KCTD16: variants seen among roughly 807,000 people sequenced by gnomAD.
KCTD16 encodes BTB/POZ domain-containing protein KCTD16.
In KCTD16, 13 loss-of-function variants were observed where a neutral mutation model predicts 33.2. The observed-to-expected ratio is 0.39, with a 90% confidence interval of 0.25 to 0.62. The LOEUF is 0.62. Ranked by LOEUF, KCTD16 falls within the 20% of genes least tolerant of loss-of-function variation. The pLI is 0.50. For missense variants in KCTD16, 441 were observed against 525.1 expected (o/e 0.84, Z 1.57); for synonymous variants, 197 against 195.3 (o/e 1.01, Z -0.07).
chr5:144,230,941 T>C (rs1052255820), intron 3 of KCTD16, among the ~76,000 whole-genome samples: 1 of 152,200 alleles, frequency 6.6e-6, no homozygotes, highest in South Asian at 2.1e-4. Context: ...GCATAGCCTG[T>C]TCTCTGAGCC....
intron 3 of KCTD16, among the ~76,000 whole-genome samples, chr5:144,458,373 G>A (rs1464173204): frequency 6.6e-6 from 1 of 152,110 alleles, no homozygotes; most frequent in Admixed American, 6.5e-5. Context: ...TCTTAGTACT[G>A]CCACTTGATT....
intron 3 of KCTD16, among the ~76,000 whole-genome samples, chr5:144,449,485 A>G (rs1753893999): frequency 6.6e-6 from 1 of 152,006 alleles, no homozygotes; most frequent in South Asian, 2.1e-4. Flanking sequence ...CAGACTTCCT[A>G]GTTTCAAAAT....
rs780109122 is a variant in KCTD16, at chr5:144,465,779, C to CTTTTTT, written c.833-7880_833-7875dup. Among the ~76,000 whole-genome samples, 42 of 129,862 alleles carry CTTTTTT rather than the reference C, an allele frequency of 3.2e-4. 3 individuals are homozygous for CTTTTTT. Among genetic ancestry groups the CTTTTTT allele is most frequent in the Non-Finnish European group, 4.8e-4 (30 of 62,962 alleles). 85.2% of individuals were successfully genotyped at this position (129,862 alleles called of 152,430 possible). Reference sequence around the variant, plus strand: ...TCTTGAACAATTGCTCCAAATTTAACTTTTTTGTTTTTTTTTTTTTTTGCC... The same window carrying CTTTTTT: ...TCTTGAACAATTGCTCCAAATTTAACTTTTTTTTTTTTGTTTTTTTTTTTTTTTGCC... On this transcript the variant is annotated intron_variant, in intron 3 of 3. Coordinates refer to ENST00000512467, the MANE Select transcript of KCTD16 (RefSeq NM_020768.4).
At chr5:144,347,229 A>G (rs1410705745) in intron 3 of KCTD16, among the ~76,000 whole-genome samples, 2 of 152,208 alleles carry the variant, frequency 1.3e-5, no homozygotes, top group Admixed American at 6.5e-5. Flanking sequence ...TTAAATTTAA[A>G]TAGCCACATG....
intron 3 of KCTD16, among the ~76,000 whole-genome samples, chr5:144,293,660 C>A (rs1755956813): frequency 6.6e-6 from 1 of 152,156 alleles, no homozygotes; most frequent in Non-Finnish European, 1.5e-5. Context: ...ATCTGGAATT[C>A]CAATTCCCCT....
At chr5:144,328,791 C>T (rs1342575286) in intron 3 of KCTD16, among the ~76,000 whole-genome samples, 1 of 151,874 alleles carries the variant, frequency 6.6e-6, no homozygotes, top group Non-Finnish European at 1.5e-5. Context: ...TCATTCTGTC[C>T]TTCTCCACTG....
intron 3 of KCTD16, among the ~76,000 whole-genome samples, chr5:144,428,295 C>A (rs1753380016): frequency 6.6e-6 from 1 of 152,166 alleles, no homozygotes; most frequent in African/African-American, 2.4e-5. Context: ...CAACTCTAGA[C>A]ACCAATATCC....
At chr5:144,207,925 G>A (rs1364102839) in intron 3 of KCTD16, among the ~76,000 whole-genome samples, 1 of 152,174 alleles carries the variant, frequency 6.6e-6, no homozygotes, top group Non-Finnish European at 1.5e-5. Context: ...GTGAATTACT[G>A]CTGTCTATTC....
At chr5:144,263,259 C>T (rs1386366494) in intron 3 of KCTD16, among the ~76,000 whole-genome samples, 5 of 152,160 alleles carry the variant, frequency 3.3e-5, no homozygotes, top group Non-Finnish European at 7.3e-5. Flanking sequence ...TGTAATGGTA[C>T]AGGAGATGTT....
intron 2 of KCTD16, among the ~76,000 whole-genome samples, chr5:144,198,649 A>G (rs1206043618): frequency 1.3e-5 from 2 of 152,254 alleles, no homozygotes; most frequent in Non-Finnish European, 2.9e-5. Flanking sequence ...GAATCACTGT[A>G]AAATGATGTG....
At chr5:144,349,385 G>A (rs1295528604) in intron 3 of KCTD16, among the ~76,000 whole-genome samples, 1 of 152,176 alleles carries the variant, frequency 6.6e-6, no homozygotes, top group Non-Finnish European at 1.5e-5. Flanking sequence ...AATATTAAAT[G>A]TAGTAATATA....
At chr5:144,412,590 C>T (rs562546888) in intron 3 of KCTD16, among the ~76,000 whole-genome samples, 13 of 152,076 alleles carry the variant, frequency 8.5e-5, no homozygotes, top group African/African-American at 2.4e-4. Flanking sequence ...AGAAGAAGAT[C>T]GATCTAATGT....
rs146419408 is a variant in KCTD16 at position 144,392,631 on chromosome 5, C to G, written c.833-81029C>G. Reference sequence around the variant, plus strand: ...GCTACTGTTTACCATGTATCTCTAGCGCTCCTTTTTCTGGGGGCACTGTAG... The same window carrying G: ...GCTACTGTTTACCATGTATCTCTAGGGCTCCTTTTTCTGGGGGCACTGTAG... On this transcript the variant is annotated intron_variant, in intron 3 of 3. Transcript: ENST00000512467. Among the ~76,000 whole-genome samples, 4 of 152,174 alleles carry G rather than the reference C, an allele frequency of 2.6e-5. No homozygotes were observed. In the South Asian group the frequency reaches 6.2e-4, roughly 24 times the overall value.
At chr5:144,262,078 A>G (rs1755028964) in intron 3 of KCTD16, among the ~76,000 whole-genome samples, 1 of 152,218 alleles carries the variant, frequency 6.6e-6, no homozygotes, top group South Asian at 2.1e-4. Context: ...AGAAATAGAT[A>G]CCTAGTGGTC....
At chr5:144,252,992 G>C (rs761373951) in intron 3 of KCTD16, among the ~76,000 whole-genome samples, 8 of 145,004 alleles carry the variant, frequency 5.5e-5, no homozygotes, top group Non-Finnish European at 1.2e-4. Context: ...ATGACCTATT[G>C]TTTGAAGCCA....
At chr5:144,472,055 T>C (rs1754488386) in intron 3 of KCTD16, among the ~76,000 whole-genome samples, 1 of 152,218 alleles carries the variant, frequency 6.6e-6, no homozygotes, top group African/African-American at 2.4e-5. Context: ...CTAAGTTTTC[T>C]CTACTTTGAC....
chr5:144,405,668 G>A (rs1400812521), intron 3 of KCTD16, among the ~76,000 whole-genome samples: 1 of 152,092 alleles, frequency 6.6e-6, no homozygotes, highest in East Asian at 1.9e-4. Context: ...GTAGCTCCAG[G>A]GCCAAACATT....
intron 3 of KCTD16, among the ~76,000 whole-genome samples, chr5:144,306,189 T>C (rs1050100606): frequency 1.3e-5 from 2 of 152,246 alleles, no homozygotes; most frequent in African/African-American, 2.4e-5. Flanking sequence ...ATCCAAGTAT[T>C]GTACCGTTCT....
chr5:144,333,795 C>T (rs1203888995), intron 3 of KCTD16, among the ~76,000 whole-genome samples: 2 of 152,112 alleles, frequency 1.3e-5, no homozygotes. Flanking sequence ...TTGCTAATGT[C>T]CCAGTGCCCA....
Sources: allele counts gnomAD v4.1 joint callset (sites outside exome capture counted in the v4.1 genomes callset), GRCh38; gene constraint gnomAD v4.1.1; transcripts MANE v1.5; gene names NCBI Gene and HGNC (gene_info 2026-07-23, HGNC 2026-07-21).